ACAD11: variants seen among roughly 807,000 people sequenced by gnomAD.
ACAD11 encodes acyl-CoA dehydrogenase family member 11, also known as acyl-Coenzyme A dehydrogenase family, member 11.
ACAD11 carries 83 observed loss-of-function variants against 102.2 expected under a neutral mutation model. The observed-to-expected ratio is 0.81, with a 90% CI of 0.68 to 0.97. The LOEUF (loss-of-function observed/expected upper bound fraction) is 0.97, where lower values mean the gene tolerates loss of function less well. ACAD11 is among the 50% of genes least tolerant of loss of function. The pLI, the probability that ACAD11 is intolerant of heterozygous loss-of-function variation, is 0.00. For missense variants in ACAD11, 901 were observed against 951.7 expected (o/e 0.95, Z 0.70); for synonymous variants, 324 against 319.8 (o/e 1.01, Z -0.14).
intron 4 of ACAD11, among the ~76,000 whole-genome samples, chr3:132,641,729 G>GAAGAAGAAGAAGAAGAAGAAGAAA (rs1940530826): frequency 6.7e-6 from 1 of 148,872 alleles, no homozygotes; most frequent in East Asian, 2.0e-4. Flanking sequence ...AGAAGAAGAA[G>GAAGAAGAAGAAGAAGAAGAAGAAA]AAAAAACTGT....
chr3:132,608,525 A>G (rs984759502), intron 11 of ACAD11, among the ~76,000 whole-genome samples: 1 of 152,210 alleles, frequency 6.6e-6, no homozygotes, highest in Non-Finnish European at 1.5e-5. Flanking sequence ...TAAACCAACA[A>G]AGATAAAAAA....
intron 17 of ACAD11, among the ~76,000 whole-genome samples, chr3:132,567,243 T>A (rs894258345): frequency 2.6e-5 from 4 of 152,116 alleles, no homozygotes; most frequent in African/African-American, 4.8e-5. Flanking sequence ...CCTCCCAAAG[T>A]GTGGGATTAC....
rs1449153471 is a variant in ACAD11 at position 132,619,379 on chromosome 3, C to T, written c.1275+89G>A. The T allele has an allele frequency of 3.9e-6, 3 of 764,254 alleles. No individual in the cohort carries two copies. The East Asian group carries it at 8.3e-5, about 21-fold the overall frequency. 47.3% of individuals were successfully genotyped at this position (764,254 alleles called of 1,614,324 possible). A position where few individuals can be genotyped will look rare whatever the true frequency, so the allele number is the denominator to read the frequency against. On this transcript the variant is annotated intron_variant, in intron 10 of 19. Transcript: ENST00000264990. ...TTATTATTGATATAATTTTCTTCTA[C>T]ATATATAACAATAGCAACAACAAAA...
intron 9 of ACAD11, among the ~76,000 whole-genome samples, chr3:132,623,509 A>ACGATTTTTTTTTT (rs1211323620): frequency 3.1e-5 from 4 of 129,804 alleles, no homozygotes; most frequent in Admixed American, 2.8e-4. Context: ...TTGGTACAGT[A>ACGATTTTTTTTTT]CGATTTTTTT....
chr3:132,635,217 G>C (rs1940230779), intron 5 of ACAD11, among the ~76,000 whole-genome samples: 2 of 152,062 alleles, frequency 1.3e-5, no homozygotes, highest in Admixed American at 1.3e-4. Context: ...CCAGAGAGGG[G>C]AACCTTCACT....
At chr3:132,610,669 C>T (rs1939094244) in intron 11 of ACAD11, among the ~76,000 whole-genome samples, 2 of 152,086 alleles carry the variant, frequency 1.3e-5, no homozygotes, top group Admixed American at 1.3e-4. Context: ...CAAGACTAAA[C>T]CAGGAAGAAG....
At position 132,561,931 on chromosome 3, in the gene ACAD11, G is replaced by A. The variant is rs1937070328; in HGVS notation, c.2002-714C>T. On this transcript the variant is annotated intron_variant, in intron 17 of 19. Coordinates refer to ENST00000264990, the MANE Select transcript of ACAD11 (RefSeq NM_032169.5). ...TAAATAGAATCATATAGCATGTATTGTTTTGAGACCAACTTCTTTCATTCA... is the reference window on the plus strand; with the variant it reads ...TAAATAGAATCATATAGCATGTATTATTTTGAGACCAACTTCTTTCATTCA... Among the ~76,000 whole-genome samples the A allele has an allele frequency of 2.0e-5, 3 of 152,106 alleles. 1 individual carries two copies. Among genetic ancestry groups the A allele is most frequent in the Admixed American group, 2.0e-4 (3 of 15,278 alleles).
chr3:132,563,083 A>G (rs1937109228), intron 17 of ACAD11, among the ~76,000 whole-genome samples: 1 of 152,228 alleles, frequency 6.6e-6, no homozygotes, highest in African/African-American at 2.4e-5. Context: ...GTAAAGATGT[A>G]ACCTTTTCCA....
chr3:132,628,704 G>A (rs1463091958), intron 7 of ACAD11, among the ~76,000 whole-genome samples: 3 of 152,050 alleles, frequency 2.0e-5, no homozygotes, highest in African/African-American at 7.2e-5. Context: ...AATGATCTCA[G>A]CAGTTACCAA....
Position 132,579,060 on chromosome 3 carries a change from G to T in ACAD11, c.1689-179C>A, listed in dbSNP as rs1003265846. On this transcript the variant is annotated intron_variant, in intron 14 of 19. Transcript: ENST00000264990. ...ATAGTCTGATGCAGGCTGTGATCTG[G>T]AACAGAAACAATGATTTGAAAATAA... 8 of 1,501,172 alleles carry T rather than the reference G, an allele frequency of 5.3e-6. No homozygotes were observed. The South Asian group carries it at 7.3e-5, about 14-fold the overall frequency. 93.0% of individuals were successfully genotyped at this position (1,501,172 alleles called of 1,614,324 possible).
chr3:132,585,063 C>T (rs1937745519), intron 13 of ACAD11, among the ~76,000 whole-genome samples: 1 of 152,146 alleles, frequency 6.6e-6, no homozygotes, highest in Non-Finnish European at 1.5e-5. Context: ...AAGAACAAAG[C>T]TGTAGGCATC....
intron 13 of ACAD11, among the ~76,000 whole-genome samples, chr3:132,584,691 C>T (rs1225560696): frequency 6.6e-6 from 1 of 152,136 alleles, no homozygotes; most frequent in Non-Finnish European, 1.5e-5. Flanking sequence ...TTTGCAGTGG[C>T]TGGTACCACT....
chr3:132,652,995 A>T (rs953312145), intron 1 of ACAD11, among the ~76,000 whole-genome samples: 10 of 152,232 alleles, frequency 6.6e-5, no homozygotes, highest in Non-Finnish European at 1.5e-4. Flanking sequence ...AGTTTACCAA[A>T]AAAAGAGGCA....
At chr3:132,570,572 C>T (rs1466832663) in intron 17 of ACAD11, among the ~76,000 whole-genome samples, 2 of 151,960 alleles carry the variant, frequency 1.3e-5, no homozygotes, top group Non-Finnish European at 1.5e-5. Context: ...TAAACTCGTG[C>T]CATGGGGGTT....
At chr3:132,589,338 T>A (rs1292390605) in intron 13 of ACAD11, among the ~76,000 whole-genome samples, 1 of 152,214 alleles carries the variant, frequency 6.6e-6, no homozygotes, top group Non-Finnish European at 1.5e-5. Flanking sequence ...TACTTACCTT[T>A]CATTGTGGAT....
chr3:132,588,192 GGTATGTAT>G (rs3045373), intron 13 of ACAD11, among the ~76,000 whole-genome samples: 4,370 of 150,784 alleles, frequency 0.029, 65 homozygotes, highest in African/African-American at 0.031. Context: ...CAGGCAGGCA[GGTATGTAT>G]GTATGTATGT....
rs537673203 is a variant in ACAD11, at chr3:132,605,080, A to T, written c.1522+18T>A. ...GGACGACTGACTACACAAGGAGAGA[A>T]TGGTGATTGGCATTTACCTGTCATA... On this transcript the variant is annotated intron_variant, in intron 12 of 19. Coordinates refer to ENST00000264990, the MANE Select transcript of ACAD11 (RefSeq NM_032169.5). The T allele has an allele frequency of 6.4e-7, 1 of 1,567,442 alleles. No homozygotes were observed. Among genetic ancestry groups the T allele is most frequent in the South Asian group, 1.1e-5 (1 of 89,754 alleles).
At chr3:132,603,373 A>C (rs1302143914) in intron 12 of ACAD11, 46 bp from the exon 13 acceptor site, 8 of 1,518,748 alleles carry the variant, frequency 5.3e-6, no homozygotes, top group Non-Finnish European at 6.4e-6. Context: ...AGATATCATC[A>C]GTAGACTTAG....
chr3:132,615,917 G>C (rs148069082), intron 11 of ACAD11, among the ~76,000 whole-genome samples: 1 of 152,106 alleles, frequency 6.6e-6, no homozygotes, highest in Admixed American at 6.6e-5. Context: ...CTTATTGAAG[G>C]GGGGAAAAAG....
Sources: allele counts gnomAD v4.1 joint callset (sites outside exome capture counted in the v4.1 genomes callset), GRCh38; gene constraint gnomAD v4.1.1; transcripts MANE v1.5; gene names NCBI Gene and HGNC (gene_info 2026-07-23, HGNC 2026-07-21).